Variants in CPAMD8 observed in about 807,000 individuals in gnomAD.
CPAMD8 encodes C3 and PZP-like alpha-2-macroglobulin domain-containing protein 8.
A neutral mutation model predicts 224.7 loss-of-function variants in CPAMD8; 146 were observed. The ratio of observed to expected loss-of-function variants is 0.65; its 90% CI spans 0.57 to 0.75. CPAMD8 has a LOEUF of 0.75. CPAMD8 is among the 30% of genes least tolerant of loss of function. The probability of loss-of-function intolerance (pLI) is 0.00; values close to 1 mark genes in which losing one functional copy is unlikely to be tolerated. For missense variants in CPAMD8, 2,301 were observed against 2,537.5 expected (o/e 0.91, Z 2.00); for synonymous variants, 966 against 1,044.6 (o/e 0.92, Z 1.45).
intron 12 of CPAMD8, among the ~76,000 whole-genome samples, chr19:16,990,358 G>A (rs566483129): frequency 1.3e-5 from 2 of 152,002 alleles, no homozygotes; most frequent in East Asian, 1.9e-4. Context: ...GAGGTGTGAG[G>A]ATCACTTGGG....
intron 25 of CPAMD8, among the ~76,000 whole-genome samples, chr19:16,926,567 C>T (rs1049688174): frequency 6.6e-5 from 10 of 152,182 alleles, no homozygotes; most frequent in African/African-American, 1.7e-4. Context: ...CCACCTGCCT[C>T]GGCCTCCCAA....
chr19:17,019,971 C>CTTTTTTTTTTTTTTTTTTTT (rs569150151), intron 3 of CPAMD8, among the ~76,000 whole-genome samples: 3 of 97,888 alleles, frequency 3.1e-5, no homozygotes, highest in Non-Finnish European at 2.1e-5. Context: ...TTTTTCTTTT[C>CTTTTTTTTTTTTTTTTTTTT]TTTTTTTTTT....
At chr19:16,969,963 A>G (rs139256664) in intron 18 of CPAMD8, among the ~76,000 whole-genome samples, 72 of 151,614 alleles carry the variant, frequency 4.7e-4, no homozygotes, top group African/African-American at 1.5e-3. Flanking sequence ...TGCCAGGCGC[A>G]GTGGCTCATG....
intron 23 of CPAMD8, among the ~76,000 whole-genome samples, chr19:16,935,631 G>A (rs1166202553): frequency 6.6e-6 from 1 of 152,144 alleles, no homozygotes; most frequent in Non-Finnish European, 1.5e-5. Context: ...TGCACAGTTT[G>A]TTAAGTCATT....
intron 29 of CPAMD8, among the ~76,000 whole-genome samples, chr19:16,912,121 T>C (rs1317619896): frequency 2.6e-5 from 4 of 152,152 alleles, no homozygotes; most frequent in Non-Finnish European, 5.9e-5. Context: ...AATTATTTCA[T>C]TATATATTAT....
In CPAMD8 at chr19:16,902,847, T is replaced by C. The variant is rs752949686; in HGVS notation, c.4487A>G (p.Asn1496Ser). ...TGGCTTGGCCACCGGGTCAGGCACATTGTAGGTGACATCAATCTGGGGGGT... is the reference window on the plus strand; with the variant it reads ...TGGCTTGGCCACCGGGTCAGGCACACTGTAGGTGACATCAATCTGGGGGGT... ...CCLMQIDVTY[N>S]VPDPVAKPAF... Residue 1496 changes from asparagine (N) to serine (S), a missense_variant, in exon 35 of 42, where the codon AAT becomes AGT. Physicochemically the swap from Asn to Ser is conservative, Grantham distance 46. Transcript: ENST00000443236. 4 of 1,534,660 alleles carry C rather than the reference T, an allele frequency of 2.6e-6. No individual in the cohort carries two copies. Among genetic ancestry groups the C allele is most frequent in the Non-Finnish European group, 1.8e-6 (2 of 1,137,884 alleles).
chr19:16,967,687 T>C (rs2054875515), intron 18 of CPAMD8, among the ~76,000 whole-genome samples: 1 of 151,380 alleles, frequency 6.6e-6, no homozygotes, highest in South Asian at 2.1e-4. Context: ...TGGGTGCCTG[T>C]AGTCCCAGGT....
rs774199845 is a variant in CPAMD8, at chr19:17,009,297, A to G, written c.504+6T>C. 3 of 1,614,062 alleles carry G rather than the reference A, an allele frequency of 1.9e-6. No homozygotes were observed. In the South Asian group the frequency reaches 3.3e-5, roughly 18 times the overall value. On this transcript the variant is annotated splice_donor_region_variant and intron_variant, in intron 6 of 41. Coordinates refer to ENST00000443236, the MANE Select transcript of CPAMD8 (RefSeq NM_015692.5). ...TCCAAGCCGAGGAAGGACAGAGGCC[A>G]CTCACCAGGATGTAGGCTTCCAGCT... is the stretch of plus-strand genomic sequence containing the variant.
intron 22 of CPAMD8, among the ~76,000 whole-genome samples, chr19:16,940,623 T>C (rs2053856005): frequency 6.6e-6 from 1 of 152,222 alleles, no homozygotes; most frequent in Non-Finnish European, 1.5e-5. Context: ...CATGTGTCTA[T>C]ACTGATGAGT....
chr19:16,995,049 C>T (rs2056081649), intron 11 of CPAMD8, among the ~76,000 whole-genome samples: 1 of 152,172 alleles, frequency 6.6e-6, no homozygotes, highest in Non-Finnish European at 1.5e-5. Flanking sequence ...AGCCTTAAAC[C>T]TCTTCTTCAT....
chr19:16,959,890 C>A (rs1279083592), intron 18 of CPAMD8, among the ~76,000 whole-genome samples: 1 of 152,142 alleles, frequency 6.6e-6, no homozygotes, highest in African/African-American at 2.4e-5. Flanking sequence ...AACTTGTTAA[C>A]TCTTTTACCT....
chr19:16,999,144 A>C (rs1041543385), intron 10 of CPAMD8, among the ~76,000 whole-genome samples: 12 of 152,220 alleles, frequency 7.9e-5, no homozygotes. Context: ...ACAGAGACAG[A>C]AAACAGATAG....
chr19:16,937,104 C>A (rs1248241081), intron 23 of CPAMD8, among the ~76,000 whole-genome samples: 2 of 148,490 alleles, frequency 1.3e-5, no homozygotes, highest in African/African-American at 2.5e-5. Flanking sequence ...TCCTTCCTTT[C>A]TTCCTTCCCT....
At chr19:16,903,013 G>A (rs1203574141) in intron 34 of CPAMD8, 150 bp from the exon 35 acceptor site, 5 of 574,732 alleles carry the variant, frequency 8.7e-6, no homozygotes, top group Admixed American at 3.2e-5. Flanking sequence ...ACCGTTATTC[G>A]TTTTAGCCTT....
intron 18 of CPAMD8, among the ~76,000 whole-genome samples, chr19:16,964,868 G>C (rs929366240): frequency 3.3e-5 from 5 of 152,058 alleles, no homozygotes; most frequent in African/African-American, 1.2e-4. Context: ...TTCATCTCTG[G>C]GATGCAAGCC....
intron 24 of CPAMD8, 24 bp from the exon 25 acceptor site, chr19:16,928,258 T>C (rs1232941805): frequency 6.3e-7 from 1 of 1,599,662 alleles, no homozygotes; most frequent in African/African-American, 1.3e-5. Context: ...CCAAGGCTGC[T>C]GGACGCTGGC....
At chr19:16,995,783 G>A (rs1380399114) in intron 11 of CPAMD8, among the ~76,000 whole-genome samples, 1 of 152,176 alleles carries the variant, frequency 6.6e-6, no homozygotes, top group African/African-American at 2.4e-5. Flanking sequence ...GGGGGTCTGA[G>A]GTAGGAGATC....
rs544604390 is a variant in CPAMD8 at position 16,955,088 on chromosome 19, A to G, written c.2276+2765T>C. Among the ~76,000 whole-genome samples, 321 of 152,292 alleles carry G rather than the reference A, an allele frequency of 2.1e-3. 1 individual carries two copies. The highest frequency in any genetic ancestry group is 2.5e-3 in the Non-Finnish European group (170 of 68,016). On this transcript the variant is annotated intron_variant, in intron 19 of 41. Coordinates refer to ENST00000443236, the MANE Select transcript of CPAMD8 (RefSeq NM_015692.5). ...GTTTGCAGTGAGCCGAGATCGCACC[A>G]CTGCACTCCAGCCTGGGCAACAGAG...
At chr19:16,927,726 C>T (rs2053413233) in intron 25 of CPAMD8, among the ~76,000 whole-genome samples, 2 of 152,204 alleles carry the variant, frequency 1.3e-5, no homozygotes, top group African/African-American at 4.8e-5. Context: ...CTACCCTGAC[C>T]TCTGCATAAG....
Sources: allele counts gnomAD v4.1 joint callset (sites outside exome capture counted in the v4.1 genomes callset), GRCh38; gene constraint gnomAD v4.1.1; transcripts MANE v1.5; gene names NCBI Gene and HGNC (gene_info 2026-07-23, HGNC 2026-07-21).